GRIP2: variants seen among roughly 807,000 people sequenced by gnomAD.
The protein encoded by GRIP2 is glutamate receptor-interacting protein 2.
In GRIP2, 58 loss-of-function variants were observed where a neutral mutation model predicts 108.3. The ratio of observed to expected loss-of-function variants is 0.54; its 90% confidence interval spans 0.43 to 0.67. The LOEUF (loss-of-function observed/expected upper bound fraction) is 0.67. GRIP2 is among the 30% of genes least tolerant of loss of function. The pLI, the probability that GRIP2 is intolerant of heterozygous loss-of-function variation, is 0.00. For missense variants in GRIP2, 1,278 were observed against 1,430.6 expected, an observed-to-expected ratio of 0.89 and a Z score of 1.72; for synonymous variants, 586 against 598.2, an observed-to-expected ratio of 0.98 and a Z score of 0.30.
rs1701279222 is a variant in GRIP2, at chr3:14,489,576, TTGGCTCTAC to T, written c.*4080_*4088del. ...GATTCGCACCCGGGCCCATGAGCTC[TTGGCTCTAC>T]TGGCTCTACTGATTCTACCTGCTAC... is the stretch of plus-strand genomic sequence containing the variant. On this transcript the variant is annotated 3_prime_UTR_variant, in exon 24 of 24. Transcript: ENST00000621039. The T allele has an allele frequency of 1.3e-5, 2 of 152,372 alleles. No homozygotes were observed. The highest frequency in any genetic ancestry group is 4.8e-5 in the African/African-American group (2 of 41,566). The allele number at this position is 152,372 out of a possible 1,614,324, so 9.4% of individuals were successfully genotyped here.
chr3:14,593,924 C>A, the GRIP2 span, among the ~76,000 whole-genome samples: 1 of 152,252 alleles, frequency 6.6e-6, no homozygotes, highest in African/African-American at 2.4e-5. Flanking sequence ...CTCATCCAAG[C>A]TCTATTTGCA....
At chr3:14,528,500 TAA>T (rs541490668) in intron 1 of GRIP2, among the ~76,000 whole-genome samples, 29 of 152,196 alleles carry the variant, frequency 1.9e-4, no homozygotes, top group Non-Finnish European at 2.8e-4. Flanking sequence ...ACCAACAATG[TAA>T]AAGAGTTTCA....
chr3:14,532,127 C>G (rs1343589392), intron 1 of GRIP2, among the ~76,000 whole-genome samples: 4 of 152,208 alleles, frequency 2.6e-5, no homozygotes, highest in African/African-American at 7.2e-5. Flanking sequence ...GAACTTCGCT[C>G]TCCTCCCCAA....
At chr3:14,573,490 G>T in the GRIP2 span, 1 of 1,546,770 alleles carries the variant, frequency 6.5e-7, no homozygotes, top group Non-Finnish European at 8.9e-7. Flanking sequence ...TTGAGGAAAG[G>T]CAGGAGCCCA....
intron 1 of GRIP2, among the ~76,000 whole-genome samples, chr3:14,547,988 G>A (rs1442653962): frequency 1.3e-5 from 2 of 152,202 alleles, no homozygotes; most frequent in Non-Finnish European, 2.9e-5. Flanking sequence ...ATCCAAAGAG[G>A]ATCTGCCACA....
At chr3:14,501,823 A>G (rs1315722396) in intron 21 of GRIP2, among the ~76,000 whole-genome samples, 1 of 152,214 alleles carries the variant, frequency 6.6e-6, no homozygotes, top group Non-Finnish European at 1.5e-5. Context: ...AAAGATTTCA[A>G]TGTAAAAACT....
the GRIP2 span, among the ~76,000 whole-genome samples, chr3:14,571,074 A>C: frequency 4.6e-5 from 7 of 152,166 alleles, no homozygotes; most frequent in Non-Finnish European, 1.0e-4. Flanking sequence ...GTGACAACCC[A>C]AAATGTCTCC....
chr3:14,587,658 A>G, the GRIP2 span, among the ~76,000 whole-genome samples: 1 of 151,858 alleles, frequency 6.6e-6, no homozygotes, highest in East Asian at 1.9e-4. Context: ...AAAAAAAACA[A>G]AACAAAAAAA....
chr3:14,527,466 G>A (rs1345023630), intron 1 of GRIP2, among the ~76,000 whole-genome samples: 2 of 151,982 alleles, frequency 1.3e-5, no homozygotes. Flanking sequence ...AGGAAGAAAA[G>A]GGAAGTAAGA....
chr3:14,572,882 G>A, the GRIP2 span: 23 of 1,248,534 alleles, frequency 1.8e-5, no homozygotes, highest in South Asian at 9.6e-5. Flanking sequence ...CGTACTTCTC[G>A]CAGAAATTAT....
rs951735542 is a variant in GRIP2, at chr3:14,512,838, A to G, written c.1659T>C (p.Ser553=). The change falls in exon 14 of 24, where the codon AGT becomes AGC. Residue 553 remains serine, a synonymous_variant. Coordinates refer to ENST00000621039, the MANE Select transcript of GRIP2 (RefSeq NM_001080423.4). This position sits in a 1 kb window ranked among gnomAD's most constrained non-coding sequence, Gnocchi z 5.1. The part of the protein sequence containing the change: ...FDVAESVIPS[S]GTFHVKLPKK... ...TGGGCAGCTTCACGTGGAAGGTGCC[A>G]CTGCTTGGGATGACGGACTCTGGGG... The G allele has an allele frequency of 8.7e-6, 14 of 1,613,602 alleles. No individual in the cohort carries two copies. In the African/African-American group the frequency reaches 1.2e-4, roughly 14 times the overall value.
At chr3:14,560,226 C>T (rs1025132024), upstream of GRIP2, among the ~76,000 whole-genome samples, 1 of 152,100 alleles carries the variant, frequency 6.6e-6, no homozygotes, top group Non-Finnish European at 1.5e-5. Context: ...TGCATTCCAG[C>T]CTGAGTGACA....
chr3:14,559,678 C>T (rs1279154723), upstream of GRIP2, among the ~76,000 whole-genome samples: 6 of 144,906 alleles, frequency 4.1e-5, no homozygotes, highest in African/African-American at 1.5e-4. Flanking sequence ...CCATAGATCC[C>T]AGAAGATCCA....
the GRIP2 span, among the ~76,000 whole-genome samples, chr3:14,602,874 T>A: frequency 6.6e-6 from 1 of 150,608 alleles, no homozygotes; most frequent in Non-Finnish European, 1.5e-5. This position sits in a 1 kb window ranked among gnomAD's most constrained non-coding sequence, Gnocchi z 4.7. Context: ...GGGTCCGCCC[T>A]CCGCACCCCG....
chr3:14,522,930 A>C lies in GRIP2; in HGVS notation c.566+70T>G, dbSNP rs1694452844. 9 of 1,318,590 alleles carry C rather than the reference A, an allele frequency of 6.8e-6. No individual in the cohort carries two copies. The South Asian group carries it at 9.4e-5, about 14-fold the overall frequency. 81.7% of individuals were successfully genotyped at this position (1,318,590 alleles called of 1,614,324 possible). A position where few individuals can be genotyped will look rare whatever the true frequency, so the allele number is the denominator to read the frequency against. ...TCTGGGGAAGGGGCATGGTGACCCC[A>C]CTCCACCTTCTTCGCAGGGGAGTTG... On this transcript the variant is annotated intron_variant, in intron 6 of 23. Coordinates refer to ENST00000621039, the MANE Select transcript of GRIP2 (RefSeq NM_001080423.4). This position sits in a 1 kb window ranked among gnomAD's most constrained non-coding sequence, Gnocchi z 4.3.
chr3:14,524,450 G>A lies in GRIP2; in HGVS notation c.346C>T (p.Leu116Phe). Residue 116 changes from leucine to phenylalanine, a missense_variant, in exon 4 of 24, where the codon CTC becomes TTC. Physicochemically the swap from Leu to Phe is conservative, Grantham distance 22. Coordinates refer to ENST00000621039, the MANE Select transcript of GRIP2 (RefSeq NM_001080423.4). ...RLRHDEIITL[L>F]KNVGERVVLE... Reference sequence around the variant, plus strand: ...ACCACGCGCTCGCCCACATTCTTGAGCAGGGTGATGATCTCATCGTGGCGG... The same window carrying A: ...ACCACGCGCTCGCCCACATTCTTGAACAGGGTGATGATCTCATCGTGGCGG... The A allele has an allele frequency of 6.2e-7, 1 of 1,603,354 alleles. No homozygotes were observed. The highest frequency in any genetic ancestry group is 8.5e-7 in the Non-Finnish European group (1 of 1,175,318).
the GRIP2 span, among the ~76,000 whole-genome samples, chr3:14,600,356 C>T: frequency 8.1e-4 from 124 of 152,298 alleles, no homozygotes; most frequent in African/African-American, 2.8e-3. Context: ...TCTGACCACC[C>T]CGCGAGGCTG....
chr3:14,520,551 G>A lies in GRIP2; in HGVS notation c.713-14C>T. On this transcript the variant is annotated splice_polypyrimidine_tract_variant and intron_variant, in intron 7 of 23. Transcript: ENST00000621039. ...TAGCCACCGTGTCTGGCATGACGGA[G>A]AAAAAAAGTTTGAAATGCAAATACC... is the stretch of plus-strand genomic sequence containing the variant. The A allele has an allele frequency of 1.2e-6, 2 of 1,613,132 alleles. No homozygotes were observed. Among genetic ancestry groups the A allele is most frequent in the Non-Finnish European group, 1.7e-6 (2 of 1,179,444 alleles).
chr3:14,548,735 G>C (rs945439769), intron 1 of GRIP2, among the ~76,000 whole-genome samples: 14 of 152,318 alleles, frequency 9.2e-5, no homozygotes, highest in African/African-American at 3.4e-4. Context: ...AGAATCCTAT[G>C]GGATAGACAT....
Sources: gnomAD v4.1 joint callset for allele counts (sites outside exome capture counted in the v4.1 genomes callset) on GRCh38, gnomAD v4.1.1 for gene constraint, Gnocchi (gnomAD v3.1) non-coding constraint, MANE v1.5 for transcripts, NCBI Gene and HGNC (gene_info 2026-07-23, HGNC 2026-07-21) for gene names.